Variants in ESCO2 observed in about 807,000 individuals in gnomAD.
The protein encoded by ESCO2 is N-acetyltransferase ESCO2.
A neutral mutation model predicts 61.7 loss-of-function variants in ESCO2; 51 were observed. The ratio of observed to expected loss-of-function variants is 0.83; its 90% confidence interval spans 0.66 to 1.04. ESCO2 has a LOEUF of 1.04. Ranked by LOEUF, ESCO2 falls within the 50% of genes least tolerant of loss-of-function variation. The pLI, the probability that ESCO2 is intolerant of heterozygous loss-of-function variation, is 0.00. For missense variants in ESCO2, 692 were observed against 686.2 expected, an observed-to-expected ratio of 1.01 and a Z score of -0.09; for synonymous variants, 230 against 238.2, an observed-to-expected ratio of 0.97 and a Z score of 0.32.
At chr8:27,781,174 T>TAG (rs1804919863) in intron 4 of ESCO2, among the ~76,000 whole-genome samples, 2 of 152,090 alleles carry the variant, frequency 1.3e-5, no homozygotes, top group Non-Finnish European at 2.9e-5. Flanking sequence ...ATAACTACAG[T>TAG]TTATCATTTA....
intron 5 of ESCO2, among the ~76,000 whole-genome samples, chr8:27,786,846 CT>C (rs1805055891): frequency 1.0e-5 from 1 of 95,562 alleles, no homozygotes; most frequent in South Asian, 3.5e-4. Flanking sequence ...GAACTTCTTA[CT>C]TTTGGTACTA....
downstream of ESCO2, chr8:27,811,381 T>C: frequency 1.7e-6 from 1 of 578,236 alleles, no homozygotes; most frequent in Non-Finnish European, 3.1e-6. Flanking sequence ...TTAGTAGGAA[T>C]ATAGAATGTG....
chr8:27,776,294 T>A, intron 2 of ESCO2, 68 bp from the exon 3 acceptor site: 6 of 1,319,154 alleles, frequency 4.5e-6, no homozygotes, highest in African/African-American at 1.5e-5. Flanking sequence ...TAGAGCTTAC[T>A]TAGCAGTAGA....
At chr8:27,780,648 A>G (rs781338264) in intron 4 of ESCO2, among the ~76,000 whole-genome samples, 78 of 152,206 alleles carry the variant, frequency 5.1e-4, no homozygotes, top group Non-Finnish European at 9.4e-4. Context: ...TGTGAGCAGA[A>G]CTTACTAAGT....
intron 4 of ESCO2, 86 bp from the exon 5 acceptor site, chr8:27,783,912 ATT>A: frequency 8.4e-7 from 1 of 1,196,334 alleles, no homozygotes; most frequent in Non-Finnish European, 1.2e-6. Context: ...CTTGAGTATT[ATT>A]TTGTCTTATT....
At chr8:27,776,219 T>G in intron 2 of ESCO2, 143 bp from the exon 3 acceptor site, 1 of 653,826 alleles carries the variant, frequency 1.5e-6, no homozygotes, top group Non-Finnish European at 2.6e-6. Context: ...AGAATCCTAC[T>G]GTTAAACTAA....
At chr8:27,805,334 A>ATCCTGCT (rs1206405285), downstream of ESCO2, 17 of 148,992 alleles carry the variant, frequency 1.1e-4, no homozygotes, top group African/African-American at 3.7e-4. Context: ...GCTTCCCTTA[A>ATCCTGCT]TCCTGCTTTG....
intron 3 of ESCO2, 173 bp downstream of exon 3, chr8:27,777,342 A>G: frequency 1.7e-6 from 1 of 599,268 alleles, no homozygotes; most frequent in Admixed American, 3.7e-5. Flanking sequence ...GTCTTTCTTT[A>G]TGACCCAGGC....
At chr8:27,798,025 G>A (rs1387199425) in intron 9 of ESCO2, among the ~76,000 whole-genome samples, 2 of 152,152 alleles carry the variant, frequency 1.3e-5, no homozygotes, top group Non-Finnish European at 2.9e-5. Context: ...ATACACACCT[G>A]TCAGAAGGGT....
chr8:27,811,696 C>G (rs543197414), downstream of ESCO2, among the ~76,000 whole-genome samples: 19 of 152,234 alleles, frequency 1.2e-4, no homozygotes, highest in Non-Finnish European at 1.8e-4. Flanking sequence ...AGCTAAAATT[C>G]TCATTAGGAT....
chr8:27,787,750 T>C (rs716258), intron 5 of ESCO2, 135 bp from the exon 6 acceptor site: 118 of 686,132 alleles, frequency 1.7e-4, no homozygotes, highest in African/African-American at 1.6e-3. Flanking sequence ...TTTGTTCCTG[T>C]CCTTATTACT....
downstream of ESCO2, among the ~76,000 whole-genome samples, chr8:27,813,257 G>A (rs985567753): frequency 2.0e-5 from 3 of 152,070 alleles, no homozygotes; most frequent in Non-Finnish European, 4.4e-5. Context: ...TCATAGGTGG[G>A]AACTGAACAA....
downstream of ESCO2, among the ~76,000 whole-genome samples, chr8:27,808,633 C>T (rs1448288985): frequency 6.9e-6 from 1 of 144,334 alleles, no homozygotes; most frequent in Non-Finnish European, 1.5e-5. Context: ...TGCAGTGAGC[C>T]ATGATTGCCC....
At chr8:27,789,470 A>G (rs1395401950) in intron 7 of ESCO2, among the ~76,000 whole-genome samples, 1 of 152,172 alleles carries the variant, frequency 6.6e-6, no homozygotes, top group East Asian at 1.9e-4. Flanking sequence ...TAGTGCTACC[A>G]GAAATAACGT....
chr8:27,777,522 A>T (rs1368186325), intron 3 of ESCO2: 1 of 195,300 alleles, frequency 5.1e-6, no homozygotes, highest in Non-Finnish European at 1.0e-5. Flanking sequence ...CTGGTCTCGC[A>T]CTGCTGGGCT....
At chr8:27,781,798 C>G (rs961468920) in intron 4 of ESCO2, among the ~76,000 whole-genome samples, 1 of 152,042 alleles carries the variant, frequency 6.6e-6, no homozygotes, top group Non-Finnish European at 1.5e-5. Flanking sequence ...GTGATCCCCC[C>G]ACTTCAGCCT....
downstream of ESCO2, among the ~76,000 whole-genome samples, chr8:27,816,979 GAT>G (rs1247861646): frequency 6.6e-6 from 1 of 151,986 alleles, no homozygotes; most frequent in Non-Finnish European, 1.5e-5. Flanking sequence ...TAAAAAGATT[GAT>G]ATTTTTCCCA....
At chr8:27,814,675 T>C (rs1206180969), downstream of ESCO2, among the ~76,000 whole-genome samples, 1 of 152,314 alleles carries the variant, frequency 6.6e-6, no homozygotes, top group East Asian at 1.9e-4. Context: ...GCTTTAGCTA[T>C]TGCTTGCACA....
At chr8:27,803,045 C>A (rs1805484728) in intron 10 of ESCO2, among the ~76,000 whole-genome samples, 1 of 152,046 alleles carries the variant, frequency 6.6e-6, no homozygotes, top group East Asian at 1.9e-4. Context: ...GCAATATGAT[C>A]TTATATTAGT....
Sources: gnomAD v4.1 joint callset for allele counts (sites outside exome capture counted in the v4.1 genomes callset) on GRCh38, gnomAD v4.1.1 for gene constraint, MANE v1.5 for transcripts, NCBI Gene and HGNC (gene_info 2026-07-23, HGNC 2026-07-21) for gene names.